The following SYT9 variants were observed in gnomAD, a reference collection of about 807,000 sequenced individuals.
The protein encoded by SYT9 is synaptotagmin-9.
In SYT9, 22 loss-of-function variants were observed where a neutral mutation model predicts 48.4. The observed-to-expected ratio is 0.45, with a 90% CI of 0.32 to 0.65. The LOEUF (loss-of-function observed/expected upper bound fraction) is 0.65, where lower values mean the gene tolerates loss of function less well. SYT9 is among the 30% of genes least tolerant of loss of function. The pLI is 0.03. For missense variants in SYT9, 577 were observed against 622.0 expected (o/e 0.93, Z 0.77); for synonymous variants, 265 against 245.0 (o/e 1.08, Z -0.76).
rs962357469 is a variant in SYT9 at position 7,395,105 on chromosome 11, T to C, written c.1045-20937T>C. On this transcript the variant is annotated intron_variant, in intron 3 of 6. Transcript: ENST00000318881. ...TTAGTGGTGATTTGTGAGATTTTGG[T>C]GTACCCATCACCCGAGCGGTATATA... Among the ~76,000 whole-genome samples the C allele has an allele frequency of 2.0e-5, 3 of 152,090 alleles. No individual in the cohort carries two copies. The South Asian group carries it at 6.2e-4, about 32-fold the overall frequency.
chr11:7,304,608 A>G (rs1390780047), intron 2 of SYT9, among the ~76,000 whole-genome samples: 1 of 152,198 alleles, frequency 6.6e-6, no homozygotes, highest in African/African-American at 2.4e-5. Flanking sequence ...CCAGTTTCTA[A>G]TTTGATTGTT....
At chr11:7,382,693 A>G (rs1188110226) in intron 3 of SYT9, among the ~76,000 whole-genome samples, 1 of 152,230 alleles carries the variant, frequency 6.6e-6, no homozygotes, top group Non-Finnish European at 1.5e-5. Context: ...CGTTGACCGT[A>G]AGGAGCTTTG....
chr11:7,443,221 C>T (rs971691727), intron 6 of SYT9, among the ~76,000 whole-genome samples: 2 of 152,216 alleles, frequency 1.3e-5, no homozygotes, highest in Non-Finnish European at 1.5e-5. Context: ...TATTTCTGAG[C>T]AAGTGCAAAG....
chr11:7,414,765 A>G (rs1847206428), intron 3 of SYT9, among the ~76,000 whole-genome samples: 1 of 152,174 alleles, frequency 6.6e-6, no homozygotes, highest in African/African-American at 2.4e-5. Context: ...GGAAGCAATC[A>G]AGAAAGGGAG....
intron 3 of SYT9, among the ~76,000 whole-genome samples, chr11:7,338,462 C>T (rs1013868784): frequency 3.9e-5 from 6 of 152,102 alleles, no homozygotes; most frequent in African/African-American, 1.4e-4. Context: ...TGATACCTTT[C>T]TAGCTTTTTG....
chr11:7,381,684 T>G (rs1850568077), intron 3 of SYT9, among the ~76,000 whole-genome samples: 1 of 152,168 alleles, frequency 6.6e-6, no homozygotes, highest in African/African-American at 2.4e-5. Flanking sequence ...AAGACTCAAA[T>G]CCCAGCAGTG....
At chr11:7,433,017 G>A (rs1051881600) in intron 6 of SYT9, among the ~76,000 whole-genome samples, 1 of 152,100 alleles carries the variant, frequency 6.6e-6, no homozygotes, top group African/African-American at 2.4e-5. Context: ...TAATGTTGGA[G>A]GCAGGACCTG....
intron 3 of SYT9, among the ~76,000 whole-genome samples, chr11:7,395,144 G>A (rs964246591): frequency 6.6e-6 from 1 of 151,990 alleles, no homozygotes; most frequent in Non-Finnish European, 1.5e-5. Flanking sequence ...AACCCAATTT[G>A]CAGTCTCTTA....
intron 1 of SYT9, among the ~76,000 whole-genome samples, chr11:7,254,663 ACTT>A (rs1417831833): frequency 1.3e-5 from 2 of 152,134 alleles, no homozygotes; most frequent in African/African-American, 4.8e-5. Flanking sequence ...TAAATGGATG[ACTT>A]CTTTTTCTGG....
chr11:7,366,049 G>T lies in SYT9; in HGVS notation c.1045-49993G>T, dbSNP rs145133300. Among the ~76,000 whole-genome samples the T allele has an allele frequency of 1.2e-3, 184 of 152,312 alleles. 1 individual carries two copies. The highest frequency in any genetic ancestry group is 2.5e-3 in the Admixed American group (39 of 15,306). On this transcript the variant is annotated intron_variant, in intron 3 of 6. Transcript: ENST00000318881. The stretch of plus-strand genomic sequence containing the variant: ...CCCTTCAAGGTACTGAAATGTGACT[G>T]TGGCCCAGCTGTCCTCCAGGTGCTC...
chr11:7,363,980 G>A (rs1217765902), intron 3 of SYT9, among the ~76,000 whole-genome samples: 1 of 152,190 alleles, frequency 6.6e-6, no homozygotes, highest in Non-Finnish European at 1.5e-5. Flanking sequence ...AAAATGACAA[G>A]CAGTAGCTGG....
At chr11:7,460,846 C>T (rs150817421) in intron 6 of SYT9, among the ~76,000 whole-genome samples, 171 of 152,306 alleles carry the variant, frequency 1.1e-3, no homozygotes, top group Admixed American at 1.8e-3. Context: ...TTCTGTGTCA[C>T]AGTTACTCTT....
chr11:7,448,736 G>A (rs1590038618), intron 6 of SYT9, among the ~76,000 whole-genome samples: 1 of 152,146 alleles, frequency 6.6e-6, no homozygotes, highest in South Asian at 2.1e-4. Context: ...CTTTTCATAG[G>A]CCTTCAAACG....
intron 3 of SYT9, among the ~76,000 whole-genome samples, chr11:7,320,955 G>C (rs937016950): frequency 3.3e-5 from 5 of 152,092 alleles, no homozygotes; most frequent in South Asian, 4.1e-4. Context: ...CTGTCAGGAC[G>C]ATCCTCTTGG....
intron 1 of SYT9, among the ~76,000 whole-genome samples, chr11:7,242,404 C>A (rs576562173): frequency 1.6e-4 from 24 of 152,264 alleles, no homozygotes; most frequent in South Asian, 1.2e-3. Flanking sequence ...TGAATTTGGG[C>A]AGGATACCTA....
intron 1 of SYT9, among the ~76,000 whole-genome samples, chr11:7,279,482 C>T (rs977543673): frequency 4.6e-5 from 7 of 152,112 alleles, no homozygotes; most frequent in Admixed American, 2.0e-4. Flanking sequence ...CTTAAGGCAG[C>T]GGGAAGCTTA....
At chr11:7,358,125 CG>C (rs1850057929) in intron 3 of SYT9, among the ~76,000 whole-genome samples, 2 of 151,584 alleles carry the variant, frequency 1.3e-5, no homozygotes, top group South Asian at 4.2e-4. Flanking sequence ...ACTGCGAAGA[CG>C]AAAATGGTAT....
chr11:7,342,748 G>A lies in SYT9; in HGVS notation c.1044+28807G>A, dbSNP rs191323348. Among the ~76,000 whole-genome samples the A allele has an allele frequency of 4.7e-3, 713 of 152,292 alleles. 1 individual carries two copies. Among genetic ancestry groups the A allele is most frequent in the Non-Finnish European group, 7.4e-3 (504 of 68,014 alleles). On this transcript the variant is annotated intron_variant, in intron 3 of 6. Transcript: ENST00000318881. ...CAGTGCCCCAGTGGGGACTCTGTGTGGGGGCTTCAACACCACATTTCCCTT... is the reference window on the plus strand; with the variant it reads ...CAGTGCCCCAGTGGGGACTCTGTGTAGGGGCTTCAACACCACATTTCCCTT...
At chr11:7,263,731 A>T (rs986403) in intron 1 of SYT9, among the ~76,000 whole-genome samples, 1 of 152,292 alleles carries the variant, frequency 6.6e-6, no homozygotes, top group East Asian at 1.9e-4. Context: ...TAATAACATG[A>T]AGGCTAATTG....
Sources: allele counts gnomAD v4.1 joint callset (sites outside exome capture counted in the v4.1 genomes callset), GRCh38; gene constraint gnomAD v4.1.1; transcripts MANE v1.5; gene names NCBI Gene and HGNC (gene_info 2026-07-23, HGNC 2026-07-21).